EPHA6: variants seen among roughly 807,000 people sequenced by gnomAD.
The protein encoded by EPHA6 is EPH receptor A6, also known as ephrin type-A receptor 6.
In EPHA6, 50 loss-of-function variants were observed where a neutral mutation model predicts 112.0. The ratio of observed to expected loss-of-function variants is 0.45; its 90% CI spans 0.36 to 0.56. The LOEUF is 0.56. Among genes scored for constraint, EPHA6 ranks in the 20% least tolerant of loss-of-function variants. The pLI is 0.00. For synonymous variants in EPHA6, 529 were observed against 490.7 expected, an observed-to-expected ratio of 1.08 and a Z score of -1.03; for missense variants, 1,280 against 1,417.4, an observed-to-expected ratio of 0.90 and a Z score of 1.56.
At chr3:97,678,955 A>G (rs2031633439) in intron 14 of EPHA6, among the ~76,000 whole-genome samples, 1 of 152,214 alleles carries the variant, frequency 6.6e-6, no homozygotes, top group African/African-American at 2.4e-5. Flanking sequence ...CTATCTTTTA[A>G]TAAAGATTTC....
intron 3 of EPHA6, among the ~76,000 whole-genome samples, chr3:97,003,630 A>G (rs1355728187): frequency 6.6e-6 from 1 of 152,188 alleles, no homozygotes; most frequent in Non-Finnish European, 1.5e-5. Context: ...ATAACTTTTT[A>G]AAAATGATTT....
intron 10 of EPHA6, 37 bp downstream of exon 10, chr3:97,484,096 CT>C: frequency 6.4e-7 from 1 of 1,560,782 alleles, no homozygotes; most frequent in Non-Finnish European, 8.6e-7. Flanking sequence ...CAAAACATTC[CT>C]TAATTTCTTT....
intron 5 of EPHA6, among the ~76,000 whole-genome samples, chr3:97,253,738 G>A (rs757698226): frequency 2.0e-5 from 3 of 151,598 alleles, no homozygotes; most frequent in Non-Finnish European, 4.4e-5. Context: ...TCCTAAATAG[G>A]TATTAGTTTT....
At chr3:97,681,177 CTG>C (rs1031206986) in intron 14 of EPHA6, among the ~76,000 whole-genome samples, 39 of 152,184 alleles carry the variant, frequency 2.6e-4, no homozygotes, top group African/African-American at 9.1e-4. Context: ...TAAAACAAAA[CTG>C]TGTTTTCAAT....
intron 1 of EPHA6, among the ~76,000 whole-genome samples, chr3:96,858,515 C>T (rs779161113): frequency 1.3e-5 from 2 of 151,842 alleles, no homozygotes; most frequent in Non-Finnish European, 2.9e-5. Context: ...GCTTGTGTGT[C>T]GTGATATTAG....
At chr3:97,717,231 CAA>C (rs748817650) in intron 14 of EPHA6, among the ~76,000 whole-genome samples, 6 of 48,796 alleles carry the variant, frequency 1.2e-4, no homozygotes, top group Admixed American at 2.2e-4. Context: ...AACTCCATCT[CAA>C]AAAAAAAAAA....
At chr3:96,914,637 G>A (rs558436593) in intron 2 of EPHA6, among the ~76,000 whole-genome samples, 114 of 152,278 alleles carry the variant, frequency 7.5e-4, no homozygotes, top group African/African-American at 2.6e-3. Context: ...TGACAACATG[G>A]CAGAGTTTAG....
At chr3:96,948,607 T>C (rs1231056898) in intron 2 of EPHA6, among the ~76,000 whole-genome samples, 1 of 152,200 alleles carries the variant, frequency 6.6e-6, no homozygotes, top group Non-Finnish European at 1.5e-5. Context: ...AGATTCGTGG[T>C]AAAAGGAAAG....
At chr3:97,062,453 A>G (rs2046051757) in intron 3 of EPHA6, among the ~76,000 whole-genome samples, 1 of 152,314 alleles carries the variant, frequency 6.6e-6, no homozygotes, top group Non-Finnish European at 1.5e-5. Context: ...TCTAACACCC[A>G]GCATCTACAA....
chr3:97,173,469 C>G (rs1419393418), intron 3 of EPHA6, among the ~76,000 whole-genome samples: 1 of 151,752 alleles, frequency 6.6e-6, no homozygotes, highest in East Asian at 1.9e-4. Context: ...CATTTAGATT[C>G]TAGTCCTAAA....
chr3:97,009,921 G>A (rs1008974973), intron 3 of EPHA6: 16 of 473,308 alleles, frequency 3.4e-5, no homozygotes, highest in Non-Finnish European at 6.1e-5. Context: ...TAGCCTTCTA[G>A]TCAATTTTGA....
chr3:97,523,300 G>A (rs190323631), intron 10 of EPHA6, among the ~76,000 whole-genome samples: 117 of 152,128 alleles, frequency 7.7e-4, no homozygotes, highest in African/African-American at 2.7e-3. Flanking sequence ...AGTTGTACAG[G>A]AGTGTGATGT....
intron 3 of EPHA6, among the ~76,000 whole-genome samples, chr3:97,029,280 G>T (rs943357737): frequency 2.0e-5 from 3 of 151,138 alleles, no homozygotes; most frequent in African/African-American, 7.3e-5. Flanking sequence ...AGTTATAAAA[G>T]TAAAAATTAT....
chr3:97,107,707 A>C (rs1271012583), intron 3 of EPHA6, among the ~76,000 whole-genome samples: 1 of 152,026 alleles, frequency 6.6e-6, no homozygotes, highest in Non-Finnish European at 1.5e-5. Flanking sequence ...TTTCATGTCC[A>C]TGTCTTCTAT....
At chr3:97,671,450 T>C (rs1473572177) in intron 14 of EPHA6, among the ~76,000 whole-genome samples, 1 of 152,162 alleles carries the variant, frequency 6.6e-6, no homozygotes, top group African/African-American at 2.4e-5. Context: ...TGTAATACTT[T>C]TTAATCAAGC....
At chr3:97,182,907 T>G (rs563721434) in intron 3 of EPHA6, among the ~76,000 whole-genome samples, 1 of 152,034 alleles carries the variant, frequency 6.6e-6, no homozygotes, top group African/African-American at 2.4e-5. Flanking sequence ...AAACCAAGAA[T>G]AGATAAAGAC....
chr3:97,529,251 C>G (rs1193682056), intron 10 of EPHA6, among the ~76,000 whole-genome samples: 1 of 152,088 alleles, frequency 6.6e-6, no homozygotes, highest in Non-Finnish European at 1.5e-5. Flanking sequence ...AGTTGTATCC[C>G]TGTTAGGTAC....
chr3:97,636,772 A>G (rs1239643445), intron 13 of EPHA6, among the ~76,000 whole-genome samples: 4 of 152,126 alleles, frequency 2.6e-5, no homozygotes, highest in East Asian at 1.9e-4. Context: ...TTTAAAATTT[A>G]TAAGTTTCTC....
chr3:97,609,197 C>T (rs1349921475), intron 12 of EPHA6, among the ~76,000 whole-genome samples: 2 of 151,262 alleles, frequency 1.3e-5, no homozygotes, highest in East Asian at 3.9e-4. Context: ...TTGTAATAAC[C>T]CAACTTTTCC....
Sources: gnomAD v4.1 joint callset for allele counts (sites outside exome capture counted in the v4.1 genomes callset) on GRCh38, gnomAD v4.1.1 for gene constraint, MANE v1.5 for transcripts, NCBI Gene and HGNC (gene_info 2026-07-23, HGNC 2026-07-21) for gene names.